The following ADAMTSL1 variants were observed in gnomAD, a reference collection of about 807,000 sequenced individuals.
ADAMTSL1 encodes ADAMTS like 1.
In ADAMTSL1, 126 loss-of-function variants were observed where a neutral mutation model predicts 201.8. The ratio of observed to expected loss-of-function variants is 0.62; its 90% CI spans 0.54 to 0.72. The LOEUF is 0.72. Among genes scored for constraint, ADAMTSL1 ranks in the 30% least tolerant of loss-of-function variants. The probability of loss-of-function intolerance (pLI) is 0.00; values close to 1 mark genes in which losing one functional copy is unlikely to be tolerated. For synonymous variants in ADAMTSL1, 1,121 were observed against 903.4 expected (o/e 1.24, Z -4.32); for missense variants, 2,679 against 2,277.8 (o/e 1.18, Z -3.59).
intron 20 of ADAMTSL1, among the ~76,000 whole-genome samples, chr9:18,799,012 G>A (rs368417362): frequency 2.6e-5 from 4 of 152,210 alleles, no homozygotes; most frequent in East Asian, 1.9e-4. Flanking sequence ...GGATTTGGGA[G>A]TACCTTGCAA....
At chr9:18,684,631 C>G in intron 12 of ADAMTSL1, 85 bp from the exon 13 acceptor site, 1 of 1,451,500 alleles carries the variant, frequency 6.9e-7, no homozygotes, top group Non-Finnish European at 9.2e-7. Context: ...GTAGTAACTT[C>G]TTGGTGAGGA....
intron 2 of ADAMTSL1, among the ~76,000 whole-genome samples, chr9:18,524,705 G>A (rs1818922385): frequency 6.6e-6 from 1 of 152,128 alleles, no homozygotes; most frequent in South Asian, 2.1e-4. Flanking sequence ...TAATCATGTG[G>A]TTTTTGTCTT....
In ADAMTSL1 at chr9:18,909,337, C is replaced by T. The variant is rs1830484298; in HGVS notation, c.*789C>T. 6.6e-6 allele frequency: 1 copy of T among 152,270 alleles called. No homozygotes were observed. Among genetic ancestry groups the T allele is most frequent in the Non-Finnish European group, 1.5e-5 (1 of 68,102 alleles). The allele number at this position is 152,270 out of a possible 1,614,324, so 9.4% of individuals were successfully genotyped here. A position where few individuals can be genotyped will look rare whatever the true frequency, so the allele number is the denominator to read the frequency against. On this transcript the variant is annotated 3_prime_UTR_variant, in exon 29 of 29. Coordinates refer to ENST00000380548, the MANE Select transcript of ADAMTSL1 (RefSeq NM_001040272.6). ...CCATGCATGTGCGCATGCTCAGAGC[C>T]CTGCTGCCCACAACAGAGCACTGCG...
chr9:18,454,528 A>C (rs1350055209), intron 2 of ADAMTSL1, among the ~76,000 whole-genome samples: 1 of 152,166 alleles, frequency 6.6e-6, no homozygotes, highest in Non-Finnish European at 1.5e-5. Flanking sequence ...TACCCATCAC[A>C]GAGACCAATG....
intron 5 of ADAMTSL1, among the ~76,000 whole-genome samples, chr9:18,629,814 A>AT (rs35196962): frequency 2.0e-5 from 3 of 151,482 alleles, no homozygotes; most frequent in Admixed American, 2.0e-4. Flanking sequence ...GGAATTGAAT[A>AT]TATTTATTCT....
intron 2 of ADAMTSL1, among the ~76,000 whole-genome samples, chr9:18,431,194 C>CTCA (rs1819473955): frequency 6.6e-6 from 1 of 152,194 alleles, no homozygotes; most frequent in East Asian, 1.9e-4. Flanking sequence ...AGGGGACCAG[C>CTCA]TCAGGTTCAG....
intron 2 of ADAMTSL1, among the ~76,000 whole-genome samples, chr9:18,233,995 G>C (rs569039342): frequency 1.2e-4 from 19 of 152,338 alleles, no homozygotes; most frequent in Admixed American, 3.3e-4. Context: ...GTGAGCACTT[G>C]ACTGTGGGAG....
At chr9:18,044,699 T>C (rs528123498) in intron 1 of ADAMTSL1, among the ~76,000 whole-genome samples, 2 of 152,298 alleles carry the variant, frequency 1.3e-5, no homozygotes, top group South Asian at 2.1e-4. Context: ...TCTAAAATTA[T>C]AGAACCAGAG....
chr9:18,192,175 G>A (rs966074336), intron 2 of ADAMTSL1, among the ~76,000 whole-genome samples: 2 of 152,062 alleles, frequency 1.3e-5, no homozygotes, highest in African/African-American at 2.4e-5. Flanking sequence ...CTCTTGCAAT[G>A]ACTTATTATA....
At chr9:18,695,716 G>C (rs908132184) in intron 13 of ADAMTSL1, among the ~76,000 whole-genome samples, 1 of 152,290 alleles carries the variant, frequency 6.6e-6, no homozygotes, top group South Asian at 2.1e-4. Flanking sequence ...TGATCTTCCT[G>C]CCTTCTCAAA....
chr9:18,472,558 C>T (rs1821257213), upstream of ADAMTSL1, among the ~76,000 whole-genome samples: 1 of 152,028 alleles, frequency 6.6e-6, no homozygotes, highest in Non-Finnish European at 1.5e-5. Flanking sequence ...ATTGATATAC[C>T]ATATGAAGTA....
At position 18,909,417 on chromosome 9, in the gene ADAMTSL1, G is replaced by C. The variant is rs897440583; in HGVS notation, c.*869G>C. The C allele has an allele frequency of 2.0e-5, 3 of 152,390 alleles. No homozygotes were observed. Among genetic ancestry groups the C allele is most frequent in the Admixed American group, 6.5e-5 (1 of 15,294 alleles). The allele number at this position is 152,390 out of a possible 1,614,324, so 9.4% of individuals were successfully genotyped here. On this transcript the variant is annotated 3_prime_UTR_variant, in exon 29 of 29. Coordinates refer to ENST00000380548, the MANE Select transcript of ADAMTSL1 (RefSeq NM_001040272.6). ...TCAGAGTCAACGTCCTGCCTGTGCA[G>C]CTGCAGCAAAGCCAGTGAGAGGTGG...
chr9:17,973,095 T>G (rs931286003), intron 1 of ADAMTSL1, among the ~76,000 whole-genome samples: 3 of 56,346 alleles, frequency 5.3e-5, no homozygotes, highest in Non-Finnish European at 1.3e-4. Flanking sequence ...TTGCAAAAAT[T>G]TTCTCCCATT....
intron 23 of ADAMTSL1, among the ~76,000 whole-genome samples, chr9:18,837,392 A>G (rs1034093225): frequency 4.6e-5 from 7 of 152,208 alleles, no homozygotes; most frequent in Non-Finnish European, 2.9e-5. Context: ...ATCTTTCTGG[A>G]AAATCAATTG....
chr9:18,177,894 G>C (rs192873031), intron 2 of ADAMTSL1, among the ~76,000 whole-genome samples: 41 of 152,262 alleles, frequency 2.7e-4, no homozygotes, highest in African/African-American at 9.6e-4. Context: ...TGATATAGTA[G>C]GTGAAACAAT....
intron 2 of ADAMTSL1, among the ~76,000 whole-genome samples, chr9:18,528,312 A>C (rs951502572): frequency 9.8e-5 from 15 of 152,306 alleles, no homozygotes; most frequent in African/African-American, 3.6e-4. Context: ...TATTGAGCCC[A>C]GCATTCATTA....
chr9:18,677,820 C>G (rs1432675414), intron 10 of ADAMTSL1, among the ~76,000 whole-genome samples: 2 of 151,818 alleles, frequency 1.3e-5, no homozygotes, highest in African/African-American at 4.8e-5. Flanking sequence ...TTATTTCTTA[C>G]CCCCTTGTAT....
chr9:18,297,617 T>C (rs1833524714), intron 2 of ADAMTSL1, among the ~76,000 whole-genome samples: 1 of 152,234 alleles, frequency 6.6e-6, no homozygotes, highest in Non-Finnish European at 1.5e-5. Flanking sequence ...ATCCCTCAGG[T>C]GAACCTGCGG....
chr9:18,868,790 A>G (rs547990985), intron 23 of ADAMTSL1, among the ~76,000 whole-genome samples: 24 of 152,264 alleles, frequency 1.6e-4, no homozygotes, highest in South Asian at 8.3e-4. Flanking sequence ...ATTCTGCTCA[A>G]TAGTGTCCAG....
Sources: gnomAD v4.1 joint callset for allele counts (sites outside exome capture counted in the v4.1 genomes callset) on GRCh38, gnomAD v4.1.1 for gene constraint, MANE v1.5 for transcripts, NCBI Gene and HGNC (gene_info 2026-07-23, HGNC 2026-07-21) for gene names.